Variants in WRN observed in about 807,000 individuals in gnomAD.
WRN encodes WRN RecQ like helicase.
Under a neutral mutation model 180.7 loss-of-function variants are expected in WRN, and 149 were observed. The ratio of observed to expected loss-of-function variants is 0.82; its 90% CI spans 0.72 to 0.94. The LOEUF (loss-of-function observed/expected upper bound fraction) is 0.94. WRN is among the 40% of genes least tolerant of loss of function. The probability of loss-of-function intolerance (pLI) is 0.00; values close to 1 mark genes in which losing one functional copy is unlikely to be tolerated. For synonymous variants in WRN, 548 were observed against 568.9 expected, an observed-to-expected ratio of 0.96 and a Z score of 0.52; for missense variants, 1,661 against 1,700.1, an observed-to-expected ratio of 0.98 and a Z score of 0.40.
chr8:31,167,116 T>G lies in WRN; in HGVS notation c.4077T>G (p.Pro1359=). The change falls in exon 34 of 35, where the codon CCT becomes CCG. Residue 1359 remains proline, a synonymous_variant. Coordinates refer to ENST00000298139, the MANE Select transcript of WRN (RefSeq NM_000553.6). ...CAATTGAGATCCTTAAACATGGTCCTGACAGCGGACTTCAACCTTCATGTG... is the reference window on the plus strand; with the variant it reads ...CAATTGAGATCCTTAAACATGGTCCGGACAGCGGACTTCAACCTTCATGTG... ...HMAIEILKHG[P]DSGLQPSCDV... is the part of the protein sequence containing the mutation. The G allele has an allele frequency of 4.3e-6, 7 of 1,613,482 alleles. No homozygotes were observed. The highest frequency in any genetic ancestry group is 5.1e-6 in the Non-Finnish European group (6 of 1,179,544).
chr8:31,072,130 G>A (rs928453296), intron 7 of WRN, among the ~76,000 whole-genome samples: 2 of 152,192 alleles, frequency 1.3e-5, no homozygotes, highest in African/African-American at 2.4e-5. Flanking sequence ...GCGTGGAGGA[G>A]GGGACACCAA....
intron 8 of WRN, 66 bp from the exon 9 acceptor site, chr8:31,080,801 T>G: frequency 7.4e-7 from 1 of 1,346,410 alleles, no homozygotes. Flanking sequence ...GTTAAAAAGC[T>G]TCACAGTTTG....
At chr8:31,116,312 TAA>T (rs1219798822) in intron 19 of WRN, 40 bp from the exon 20 acceptor site, 1 of 1,606,398 alleles carries the variant, frequency 6.2e-7, no homozygotes, top group South Asian at 1.1e-5. Context: ...GAAGCATGTA[TAA>T]AGTATATATG....
chr8:31,085,245 A>G lies in WRN; in HGVS notation c.1430A>G (p.Lys477Arg), dbSNP rs753372985. ...GAAGATTTAGAAATGGAGATGCTTAAGGTATGTTTACAATTATAAAAACAT... is the reference window on the plus strand; with the variant it reads ...GAAGATTTAGAAATGGAGATGCTTAGGGTATGTTTACAATTATAAAAACAT... ...SDEDLEMEML[K>R]SLENLNSGTV... Residue 477 changes from lysine (K) to arginine (R), a missense_variant and splice_region_variant, in exon 11 of 35, where the codon AAG becomes AGG. Physicochemically the swap from Lys to Arg is conservative, Grantham distance 26. Transcript: ENST00000298139. 6.8e-6 allele frequency: 11 copies of G among 1,612,650 alleles called. No homozygotes were observed. Among genetic ancestry groups the G allele is most frequent in the Admixed American group, 1.7e-5 (1 of 59,972 alleles).
chr8:31,138,641 G>A (rs898975712), intron 24 of WRN, among the ~76,000 whole-genome samples: 8 of 152,126 alleles, frequency 5.3e-5, no homozygotes, highest in Non-Finnish European at 1.2e-4. Flanking sequence ...AAGGTAGAAG[G>A]TGCCACATTG....
Position 31,132,430 on chromosome 8 carries a change from T to G in WRN, c.2891T>G (p.Phe964Cys), listed in dbSNP as rs1554530895. 6.2e-7 allele frequency: 1 copy of G among 1,614,192 alleles called. No individual in the cohort carries two copies. The highest frequency in any genetic ancestry group is 8.5e-7 in the Non-Finnish European group (1 of 1,180,028). The part of the protein sequence containing the change: ...DTSWDFGPQA[F>C]KLLSAVDILG... The stretch of plus-strand genomic sequence containing the variant: ...TCCTGGGACTTTGGTCCACAAGCAT[T>G]TAAGCTTTTGTCTGCTGTGGACATC... Residue 964 changes from phenylalanine to cysteine, a missense_variant, in exon 24 of 35, where the codon TTT (phenylalanine) becomes TGT (cysteine). Phe to Cys is a radical substitution (Grantham distance 205). Coordinates refer to ENST00000298139, the MANE Select transcript of WRN (RefSeq NM_000553.6).
intron 6 of WRN, among the ~76,000 whole-genome samples, chr8:31,067,437 A>G (rs1021904309): frequency 2.6e-5 from 4 of 152,180 alleles, no homozygotes; most frequent in African/African-American, 7.2e-5. Flanking sequence ...TCTAATTTGT[A>G]TGTTAAAAAA....
rs1301253266 is a variant in WRN at position 31,175,639 on chromosome 8, A to G, written c.*2537A>G. On this transcript the variant is annotated 3_prime_UTR_variant, in exon 35 of 35. Coordinates refer to ENST00000298139, the MANE Select transcript of WRN (RefSeq NM_000553.6). ...GAGAACAATGTCCACCATTATCTGA[A>G]CAGGCTATTAAAATACTCTTCTCTT... 6.6e-6 allele frequency among the ~76,000 whole-genome samples: 1 copy of G among 152,230 alleles called. No individual in the cohort carries two copies. Among genetic ancestry groups the G allele is most frequent in the Non-Finnish European group, 1.5e-5 (1 of 68,044 alleles).
chr8:31,167,789 C>T lies in WRN; in HGVS notation c.4191+559C>T, dbSNP rs11574397. Among the ~76,000 whole-genome samples the T allele has an allele frequency of 7.9e-5, 12 of 152,062 alleles. No individual in the cohort carries two copies. The East Asian group carries it at 2.3e-3, about 29-fold the overall frequency. The stretch of plus-strand genomic sequence containing the variant: ...ATCAAATGCTTCAAAAATAATTGCT[C>T]TGTGTATGGCATGAGATAAATAGCA... On this transcript the variant is annotated intron_variant, in intron 34 of 34. Coordinates refer to ENST00000298139, the MANE Select transcript of WRN (RefSeq NM_000553.6).
Position 31,141,486 on chromosome 8 carries a change from G to A in WRN, c.3024G>A (p.Lys1008=), listed in dbSNP as rs184758404. 1 of 1,614,126 alleles carries A rather than the reference G, an allele frequency of 6.2e-7. No homozygotes were observed. The highest frequency in any genetic ancestry group is 1.3e-5 in the African/African-American group (1 of 75,026). ...YRRHSLFGTG[K]DQTESWWKAF... is the part of the protein sequence containing the mutation. ...GGCACAGTTTATTTGGCACTGGCAA[G>A]GATCAAACAGAGAGTTGGTGGAAGG... Residue 1008 remains lysine, a synonymous_variant, in exon 25 of 35, where the codon AAG becomes AAA. Transcript: ENST00000298139.
At position 31,074,764 on chromosome 8, in the gene WRN, G is replaced by A. The variant is rs531650542; in HGVS notation, c.725-1409G>A. On this transcript the variant is annotated intron_variant, in intron 7 of 34. Transcript: ENST00000298139. ...GAAGAGCAAAGGAGTTGAGAGTATA[G>A]ATACAAAGGAATGATTACTGTAATG... Among the ~76,000 whole-genome samples, 8 of 152,138 alleles carry A rather than the reference G, an allele frequency of 5.3e-5. No individual in the cohort carries two copies. In the South Asian group the frequency reaches 8.3e-4, roughly 16 times the overall value.
chr8:31,135,690 C>T (rs754971071), intron 24 of WRN, among the ~76,000 whole-genome samples: 45 of 152,230 alleles, frequency 3.0e-4, no homozygotes, highest in African/African-American at 1.1e-3. Flanking sequence ...TTTGGACATT[C>T]ACTCAGAGAA....
chr8:31,120,215 G>C (rs374940409), intron 20 of WRN, 28 bp from the exon 21 acceptor site: 1 of 1,611,694 alleles, frequency 6.2e-7, no homozygotes, highest in Non-Finnish European at 8.5e-7. Context: ...AAATATGTTT[G>C]TCAAACTGTG....
Position 31,120,340 on chromosome 8 carries a change from A to T in WRN, c.2546A>T (p.Tyr849Phe). 1 of 1,613,040 alleles carries T rather than the reference A, an allele frequency of 6.2e-7. No homozygotes were observed. Among genetic ancestry groups the T allele is most frequent in the East Asian group, 2.2e-5 (1 of 44,856 alleles). ...GCTCCTAAGGACATGGAATCATATT[A>T]TCAGGAGATTGGTAGAGCTGGTCGT... ...YGAPKDMESY[Y>F]QEIGRAGRDG... The change falls in exon 21 of 35, where the codon TAT becomes TTT. Residue 849 changes from tyrosine (Y) to phenylalanine (F), a missense_variant. This residue lies in a region of WRN where 1,141 missense variants were observed against 1,149.4 expected (regional missense o/e 0.99). Coordinates refer to ENST00000298139, the MANE Select transcript of WRN (RefSeq NM_000553.6).
At chr8:31,166,827 G>A (rs368429400) in intron 33 of WRN, among the ~76,000 whole-genome samples, 195 bp from the exon 34 acceptor site, 1 of 152,036 alleles carries the variant, frequency 6.6e-6, no homozygotes, top group African/African-American at 2.4e-5. Flanking sequence ...TGGAGGCAGG[G>A]GCTTCAGGTG....
At chr8:31,105,304 G>T (rs1215866739) in intron 18 of WRN, among the ~76,000 whole-genome samples, 1 of 152,020 alleles carries the variant, frequency 6.6e-6, no homozygotes, top group African/African-American at 2.4e-5. Flanking sequence ...ACACACTCAT[G>T]GATTTCTTCT....
Position 31,051,784 on chromosome 8 carries a change from C to T in WRN, c.-76-6588C>T, listed in dbSNP as rs182064320. Among the ~76,000 whole-genome samples, 206 of 152,242 alleles carry T rather than the reference C, an allele frequency of 1.4e-3. 2 individuals carry two copies. Among genetic ancestry groups the T allele is most frequent in the African/African-American group, 4.4e-3 (182 of 41,548 alleles). On this transcript the variant is annotated intron_variant, in intron 1 of 34. Transcript: ENST00000298139. ...AATCACCACAATGGGTTGTTAATAA[C>T]GCCAGCCTTGAACTTTCAGTTTTAG...
chr8:31,122,730 C>A (rs1017983741), intron 21 of WRN, among the ~76,000 whole-genome samples: 1 of 151,398 alleles, frequency 6.6e-6, no homozygotes, highest in African/African-American at 2.4e-5. Context: ...ATTTATTTGC[C>A]GTTAAGAGTT....
Position 31,173,196 on chromosome 8 carries a change from A to T in WRN, c.*94A>T. 1.6e-6 allele frequency: 2 copies of T among 1,215,352 alleles called. No individual in the cohort carries two copies. Among genetic ancestry groups the T allele is most frequent in the Non-Finnish European group, 2.4e-6 (2 of 839,080 alleles). The allele number at this position is 1,215,352 out of a possible 1,614,324, so 75.3% of individuals were successfully genotyped here. On this transcript the variant is annotated 3_prime_UTR_variant, in exon 35 of 35. Transcript: ENST00000298139. ...AGAGTAAGGAGTAGTATTTTGGCTT[A>T]AAAATCATTCTAATTACAAAGTTCA...
Sources: gnomAD v4.1 joint callset for allele counts (sites outside exome capture counted in the v4.1 genomes callset) on GRCh38, gnomAD v4.1.1 for gene constraint, gnomAD v4.1.1 regional missense constraint, MANE v1.5 for transcripts, NCBI Gene and HGNC (gene_info 2026-07-23, HGNC 2026-07-21) for gene names.